Variants in LRTM1 observed in about 807,000 individuals in gnomAD.
LRTM1 encodes leucine-rich repeat and transmembrane domain-containing protein 1.
Under a neutral mutation model 32.4 loss-of-function variants are expected in LRTM1, and 38 were observed. The observed-to-expected ratio is 1.17, with a 90% CI of 0.91 to 1.54. The LOEUF (loss-of-function observed/expected upper bound fraction) is 1.54. Among genes scored for constraint, LRTM1 ranks in the 40% most tolerant of loss-of-function variants. The probability of loss-of-function intolerance (pLI) is 0.00; values close to 1 mark genes in which losing one functional copy is unlikely to be tolerated. For synonymous variants in LRTM1, 186 were observed against 169.9 expected (o/e 1.09, Z -0.74); for missense variants, 466 against 415.4 (o/e 1.12, Z -1.06).
intron 2 of LRTM1, among the ~76,000 whole-genome samples, chr3:54,921,743 T>G (rs4955908): frequency 0.62 from 93,568 of 151,882 alleles, 29,002 homozygotes; most frequent in East Asian, 0.76. Context: ...GCTCGAGGGG[T>G]CTTATGTCCC....
chr3:54,949,755 G>T (rs965184154), intron 1 of LRTM1, among the ~76,000 whole-genome samples: 3 of 152,172 alleles, frequency 2.0e-5, no homozygotes, highest in African/African-American at 7.2e-5. Context: ...AAGTGACTGT[G>T]GTCTCTGCCA....
At chr3:54,960,076 C>CAA (rs10716957) in intron 1 of LRTM1, among the ~76,000 whole-genome samples, 11 of 81,990 alleles carry the variant, frequency 1.3e-4, no homozygotes, top group Admixed American at 2.8e-4. Context: ...TCTGACAGGA[C>CAA]AAAAAAAAAA....
chr3:54,918,823 G>A lies in LRTM1; in HGVS notation c.674C>T (p.Pro225Leu). The change falls in exon 3 of 3, where the codon CCT (proline) becomes CTT (leucine). Residue 225 changes from proline (P) to leucine (L), a missense_variant. Physicochemically the swap from Pro to Leu is moderately conservative, Grantham distance 98. Coordinates refer to ENST00000273286, the MANE Select transcript of LRTM1 (RefSeq NM_020678.4). ...TWKGKDLLRI[P>L]HELYQPCPLP... ...AGGGCAGGGCTGGTACAGCTCATGA[G>A]GGATCCTAAGGAGGTCCTTTCCCTT... 1 of 1,601,994 alleles carries A rather than the reference G, an allele frequency of 6.2e-7. No homozygotes were observed. Among genetic ancestry groups the A allele is most frequent in the South Asian group, 1.1e-5 (1 of 89,966 alleles).
chr3:54,928,403 C>G (rs1701090317), upstream of LRTM1, among the ~76,000 whole-genome samples: 1 of 152,166 alleles, frequency 6.6e-6, no homozygotes, highest in Non-Finnish European at 1.5e-5. Context: ...CGGGTCACCC[C>G]TCTTTGGGTT....
chr3:54,944,530 C>A (rs935764586), intron 1 of LRTM1, among the ~76,000 whole-genome samples: 14 of 152,034 alleles, frequency 9.2e-5, no homozygotes, highest in Admixed American at 5.9e-4. Flanking sequence ...ACGCCATTCC[C>A]CTGCGTCAGC....
At chr3:54,946,333 A>G (rs1315319134) in intron 1 of LRTM1, among the ~76,000 whole-genome samples, 2 of 152,074 alleles carry the variant, frequency 1.3e-5, no homozygotes, top group East Asian at 1.9e-4. Flanking sequence ...GACCACCACA[A>G]TGGTTATTGG....
intron 2 of LRTM1, among the ~76,000 whole-genome samples, chr3:54,922,970 G>C (rs1700897077): frequency 1.3e-5 from 2 of 152,146 alleles, no homozygotes; most frequent in African/African-American, 2.4e-5. Flanking sequence ...TGCCAGTTCA[G>C]TATTCCAAGT....
At chr3:54,958,761 G>T (rs926536485) in intron 1 of LRTM1, among the ~76,000 whole-genome samples, 2 of 151,852 alleles carry the variant, frequency 1.3e-5, no homozygotes, top group East Asian at 3.9e-4. Flanking sequence ...ATTGCCTGGG[G>T]ATGTTCTGTG....
chr3:54,956,815 T>C (rs1021983358), intron 1 of LRTM1, among the ~76,000 whole-genome samples: 6 of 152,182 alleles, frequency 3.9e-5, no homozygotes, highest in African/African-American at 1.4e-4. Context: ...AGCAAATGAC[T>C]TACCTTGATA....
At chr3:54,948,361 G>C (rs1169898783) in intron 1 of LRTM1, among the ~76,000 whole-genome samples, 1 of 152,168 alleles carries the variant, frequency 6.6e-6, no homozygotes, top group Admixed American at 6.5e-5. Flanking sequence ...ATTGTCATTA[G>C]AAAAAAATTA....
chr3:54,943,802 A>G (rs1448403679), intron 1 of LRTM1, among the ~76,000 whole-genome samples: 1 of 152,178 alleles, frequency 6.6e-6, no homozygotes, highest in East Asian at 1.9e-4. Context: ...TTTGCTGGGC[A>G]TGCAGGCACC....
chr3:54,951,994 G>C (rs1701769598), intron 1 of LRTM1, among the ~76,000 whole-genome samples: 1 of 152,144 alleles, frequency 6.6e-6, no homozygotes, highest in Non-Finnish European at 1.5e-5. Context: ...GACTACAGGT[G>C]CCTGCCACCA....
chr3:54,939,365 C>T (rs1319408258), intron 1 of LRTM1, among the ~76,000 whole-genome samples: 2 of 152,198 alleles, frequency 1.3e-5, no homozygotes, highest in Admixed American at 6.5e-5. Flanking sequence ...CCTCATCTGC[C>T]GGACTTCAAA....
chr3:54,966,035 T>C (rs1702142075), intron 1 of LRTM1, among the ~76,000 whole-genome samples: 1 of 151,994 alleles, frequency 6.6e-6, no homozygotes, highest in Non-Finnish European at 1.5e-5. Context: ...CAGGGGCAGA[T>C]GAGAACAGAC....
chr3:54,940,704 G>C (rs1050393125), intron 1 of LRTM1, among the ~76,000 whole-genome samples: 3 of 152,166 alleles, frequency 2.0e-5, no homozygotes, highest in African/African-American at 7.2e-5. Flanking sequence ...TGTATGAAAA[G>C]TCTTTGTACT....
At chr3:54,926,856 T>G (rs1223390140) in intron 1 of LRTM1, among the ~76,000 whole-genome samples, 2 of 151,674 alleles carry the variant, frequency 1.3e-5, no homozygotes, top group African/African-American at 2.4e-5. Flanking sequence ...TGGGAGAGGG[T>G]CTCTGGAATC....
At chr3:54,960,295 A>G (rs1025786486) in intron 1 of LRTM1, among the ~76,000 whole-genome samples, 9 of 152,128 alleles carry the variant, frequency 5.9e-5, no homozygotes, top group Non-Finnish European at 1.3e-4. Context: ...ACAGACATAT[A>G]TCATGGAGTG....
At chr3:54,935,734 T>C (rs1398221015) in intron 1 of LRTM1, among the ~76,000 whole-genome samples, 1 of 152,254 alleles carries the variant, frequency 6.6e-6, no homozygotes, top group Non-Finnish European at 1.5e-5. Context: ...TTACAATGTA[T>C]GTTTCATATT....
At chr3:54,952,880 G>A (rs953394939) in intron 1 of LRTM1, among the ~76,000 whole-genome samples, 2 of 152,176 alleles carry the variant, frequency 1.3e-5, no homozygotes, top group Non-Finnish European at 2.9e-5. Context: ...GTTCTGGGTG[G>A]TTGAGATGAC....
Sources: gnomAD v4.1 joint callset for allele counts (sites outside exome capture counted in the v4.1 genomes callset) on GRCh38, gnomAD v4.1.1 for gene constraint, MANE v1.5 for transcripts, NCBI Gene and HGNC (gene_info 2026-07-23, HGNC 2026-07-21) for gene names.